Variants in CEP83 observed in about 807,000 individuals in gnomAD.
CEP83 encodes centrosomal protein of 83 kDa.
CEP83 carries 70 observed loss-of-function variants against 101.9 expected under a neutral mutation model. The observed-to-expected ratio is 0.69, with a 90% CI of 0.57 to 0.84. CEP83 has a LOEUF of 0.84. Among genes scored for constraint, CEP83 ranks in the 40% least tolerant of loss-of-function variants. The pLI, the probability that CEP83 is intolerant of heterozygous loss-of-function variation, is 0.00. For synonymous variants in CEP83, 264 were observed against 267.9 expected (o/e 0.99, Z 0.14); for missense variants, 715 against 787.2 (o/e 0.91, Z 1.10).
rs200885817 is a variant in CEP83 at position 94,369,935 on chromosome 12, T to C, written c.1035A>G (p.Gln345=). The change falls in exon 9 of 17, where the codon CAA becomes CAG. Residue 345 remains glutamine (Q), a synonymous_variant. Coordinates refer to ENST00000397809, the MANE Select transcript of CEP83 (RefSeq NM_016122.3). The part of the protein sequence containing the change: ...SELERERNKI[Q]SELDGLQSDN... ...ATCACATATTACCATCCAGTTCACT[T>C]TGAATCTTATTCCTTTCTCTTTCTA... 44 of 1,575,976 alleles carry C rather than the reference T, an allele frequency of 2.8e-5. 1 individual carries two copies. The Admixed American group carries it at 7.4e-4, about 26-fold the overall frequency.
the CEP83 span, among the ~76,000 whole-genome samples, chr12:94,279,044 C>A: frequency 1.6e-4 from 24 of 151,816 alleles, no homozygotes; most frequent in Admixed American, 1.1e-3. Flanking sequence ...GACCTCGTAA[C>A]CTTCCCTGTC....
intron 15 of CEP83, among the ~76,000 whole-genome samples, chr12:94,310,359 T>C (rs989278222): frequency 1.3e-5 from 2 of 152,116 alleles, no homozygotes; most frequent in Non-Finnish European, 2.9e-5. Flanking sequence ...CTAAAATCTT[T>C]TGATACTTTG....
chr12:94,441,795 G>A (rs2066419662), intron 1 of CEP83, among the ~76,000 whole-genome samples: 1 of 151,568 alleles, frequency 6.6e-6, no homozygotes, highest in Non-Finnish European at 1.5e-5. Flanking sequence ...GGCACCTGTA[G>A]CCCCAGCTAC....
intron 14 of CEP83, among the ~76,000 whole-genome samples, chr12:94,320,491 T>C (rs1035984698): frequency 1.3e-5 from 2 of 152,070 alleles, no homozygotes; most frequent in Non-Finnish European, 1.5e-5. Context: ...CTTTTTTTTT[T>C]AATGCTCTCT....
chr12:94,316,498 T>G (rs1371247722), intron 14 of CEP83, among the ~76,000 whole-genome samples: 1 of 152,118 alleles, frequency 6.6e-6, no homozygotes, highest in African/African-American at 2.4e-5. Context: ...GTTTGTTTTA[T>G]AGGTAAATAG....
intron 11 of CEP83, among the ~76,000 whole-genome samples, chr12:94,362,854 T>TA (rs892782004): frequency 8.5e-5 from 13 of 152,146 alleles, no homozygotes; most frequent in African/African-American, 2.9e-4. Context: ...TATTCAGCCA[T>TA]AAAAAAGGAT....
At chr12:94,309,679 A>T (rs922928794) in intron 16 of CEP83, among the ~76,000 whole-genome samples, 1 of 152,206 alleles carries the variant, frequency 6.6e-6, no homozygotes, top group African/African-American at 2.4e-5. Context: ...TCTATCGTCC[A>T]GTAAGAGATT....
intron 4 of CEP83, among the ~76,000 whole-genome samples, chr12:94,409,517 G>A (rs933293886): frequency 6.6e-6 from 1 of 152,106 alleles, no homozygotes; most frequent in Non-Finnish European, 1.5e-5. Context: ...AGTTCACCAG[G>A]TTCTCTAGCA....
chr12:94,276,340 G>A, the CEP83 span, among the ~76,000 whole-genome samples: 1 of 152,126 alleles, frequency 6.6e-6, no homozygotes, highest in Non-Finnish European at 1.5e-5. Context: ...CGTAGGTGGT[G>A]GCACCAGCAT....
At chr12:94,371,306 G>C (rs896880408) in intron 8 of CEP83, among the ~76,000 whole-genome samples, 1 of 152,084 alleles carries the variant, frequency 6.6e-6, no homozygotes, top group African/African-American at 2.4e-5. Context: ...ATGAATAAAC[G>C]GAGGGGGGAA....
intron 6 of CEP83, among the ~76,000 whole-genome samples, chr12:94,384,566 G>T (rs2062028268): frequency 6.6e-6 from 1 of 152,084 alleles, no homozygotes; most frequent in Admixed American, 6.6e-5. Context: ...AGGATACTGA[G>T]AATCTGTTTA....
intron 12 of CEP83, 92 bp downstream of exon 12, chr12:94,335,497 A>G: frequency 1.3e-6 from 1 of 777,684 alleles, no homozygotes; most frequent in Non-Finnish European, 2.1e-6. Context: ...GATTCTAAAA[A>G]TACTGATGGC....
chr12:94,314,827 T>C (rs1213941606), intron 14 of CEP83, among the ~76,000 whole-genome samples: 3 of 152,232 alleles, frequency 2.0e-5, no homozygotes, highest in African/African-American at 7.2e-5. Context: ...CATCTGTCTA[T>C]CCATCCACCC....
At chr12:94,430,367 G>C (rs2065526696) in intron 2 of CEP83, among the ~76,000 whole-genome samples, 1 of 150,984 alleles carries the variant, frequency 6.6e-6, no homozygotes, top group Non-Finnish European at 1.5e-5. Flanking sequence ...ATAACATAAA[G>C]AAATCAGAAA....
At chr12:94,412,656 T>TA (rs2063959993) in intron 2 of CEP83, 65 bp from the exon 3 acceptor site, 1 of 506,604 alleles carries the variant, frequency 2.0e-6, no homozygotes, top group East Asian at 3.5e-5. Flanking sequence ...CCTTTAATGT[T>TA]ACATATTTTT....
intron 2 of CEP83, among the ~76,000 whole-genome samples, chr12:94,433,335 A>G (rs972985980): frequency 2.6e-5 from 4 of 152,306 alleles, no homozygotes; most frequent in African/African-American, 7.2e-5. Context: ...CCAGGAAAGT[A>G]ATAATGAGGG....
At chr12:94,353,909 T>C (rs2060318736) in intron 11 of CEP83, among the ~76,000 whole-genome samples, 1 of 150,658 alleles carries the variant, frequency 6.6e-6, no homozygotes, top group African/African-American at 2.4e-5. Context: ...CATTATATAA[T>C]GGAAAAAAAA....
intron 1 of CEP83, among the ~76,000 whole-genome samples, chr12:94,449,536 G>A (rs1262807448): frequency 1.3e-5 from 2 of 150,358 alleles, no homozygotes; most frequent in South Asian, 2.1e-4. Context: ...CAGGTAAATC[G>A]CTTGAGCCAA....
chr12:94,416,789 C>T (rs1400688662), intron 2 of CEP83, among the ~76,000 whole-genome samples: 1 of 151,968 alleles, frequency 6.6e-6, no homozygotes, highest in African/African-American at 2.4e-5. Context: ...AACTTTCACC[C>T]CCCACCAAGA....
Sources: gnomAD v4.1 joint callset for allele counts (sites outside exome capture counted in the v4.1 genomes callset) on GRCh38, gnomAD v4.1.1 for gene constraint, MANE v1.5 for transcripts, NCBI Gene and HGNC (gene_info 2026-07-23, HGNC 2026-07-21) for gene names.